The following EPS15 variants were observed in gnomAD, a reference collection of about 807,000 sequenced individuals.
EPS15 encodes epidermal growth factor receptor pathway substrate 15.
A neutral mutation model predicts 113.8 loss-of-function variants in EPS15; 72 were observed. The ratio of observed to expected loss-of-function variants is 0.63; its 90% CI spans 0.52 to 0.77. The LOEUF is 0.77. Among genes scored for constraint, EPS15 ranks in the 30% least tolerant of loss-of-function variants. EPS15 has a pLI of 0.00. For missense variants in EPS15, 1,048 were observed against 1,045.8 expected (o/e 1.00, Z -0.03); for synonymous variants, 344 against 363.4 (o/e 0.95, Z 0.61).
intron 2 of EPS15, among the ~76,000 whole-genome samples, chr1:51,480,730 T>A (rs1304851753): frequency 6.6e-6 from 1 of 152,186 alleles, no homozygotes; most frequent in Admixed American, 6.5e-5. Context: ...CAGCCTGGTC[T>A]TGAACTCCTG....
intron 13 of EPS15, among the ~76,000 whole-genome samples, chr1:51,421,025 G>A (rs1011496468): frequency 6.6e-6 from 1 of 152,010 alleles, no homozygotes; most frequent in Non-Finnish European, 1.5e-5. Flanking sequence ...TCTATGTGCC[G>A]GTGCAGCACT....
chr1:51,461,061 T>C, intron 8 of EPS15, 30 bp downstream of exon 8: 1 of 1,411,716 alleles, frequency 7.1e-7, no homozygotes, highest in Non-Finnish European at 1.0e-6. Context: ...ATTAAGATAA[T>C]GAAGATGTTA....
intron 8 of EPS15, among the ~76,000 whole-genome samples, chr1:51,451,639 C>G (rs1462949250): frequency 6.6e-6 from 1 of 151,298 alleles, no homozygotes; most frequent in Non-Finnish European, 1.5e-5. Flanking sequence ...CACTGTATAT[C>G]TTCTTATATT....
At chr1:51,369,099 T>C (rs1457231566) in intron 21 of EPS15, among the ~76,000 whole-genome samples, 1 of 152,226 alleles carries the variant, frequency 6.6e-6, no homozygotes, top group Non-Finnish European at 1.5e-5. Flanking sequence ...CAGATTTGAC[T>C]GGAATATTGT....
intron 23 of EPS15, 79 bp downstream of exon 23, chr1:51,363,787 T>C (rs763079346): frequency 1.0e-4 from 137 of 1,346,700 alleles, no homozygotes; most frequent in Non-Finnish European, 1.3e-4. Flanking sequence ...AAGCCATTTA[T>C]ATAAGTAAGT....
chr1:51,478,398 C>T (rs12126522), intron 2 of EPS15, among the ~76,000 whole-genome samples: 173 of 134,866 alleles, frequency 1.3e-3, no homozygotes, highest in Non-Finnish European at 1.7e-3. Flanking sequence ...ATGGGTCTTG[C>T]CTCTTTATCC....
At chr1:51,485,057 C>G (rs1260188886) in intron 1 of EPS15, among the ~76,000 whole-genome samples, 1 of 152,164 alleles carries the variant, frequency 6.6e-6, no homozygotes, top group Non-Finnish European at 1.5e-5. Flanking sequence ...AAAAACTAAG[C>G]TCTAAATTTT....
chr1:51,389,708 A>G (rs542274017), intron 21 of EPS15, among the ~76,000 whole-genome samples: 174 of 152,402 alleles, frequency 1.1e-3, no homozygotes, highest in African/African-American at 4.0e-3. Flanking sequence ...GTGAACTCTC[A>G]TTCACAATTG....
intron 11 of EPS15, among the ~76,000 whole-genome samples, chr1:51,440,801 T>G (rs534569437): frequency 6.6e-6 from 1 of 152,200 alleles, no homozygotes; most frequent in African/African-American, 2.4e-5. Context: ...GAGAAACTGA[T>G]GGTGATTTAT....
intron 21 of EPS15, among the ~76,000 whole-genome samples, chr1:51,388,802 A>G (rs1355850406): frequency 2.0e-5 from 3 of 152,002 alleles, no homozygotes; most frequent in African/African-American, 2.4e-5. Flanking sequence ...CCAATAACAG[A>G]CTCTGAAATT....
intron 1 of EPS15, among the ~76,000 whole-genome samples, chr1:51,496,533 T>C (rs1275837): frequency 0.032 from 4,887 of 152,276 alleles, 108 homozygotes; most frequent in Non-Finnish European, 0.048. Flanking sequence ...TATTCATCAT[T>C]TTCCCCTAGT....
intron 1 of EPS15, among the ~76,000 whole-genome samples, chr1:51,482,148 T>G (rs542246090): frequency 2.6e-4 from 39 of 152,202 alleles, no homozygotes; most frequent in African/African-American, 9.2e-4. Flanking sequence ...CAAGTCTGGT[T>G]AACAGACTGA....
intron 1 of EPS15, among the ~76,000 whole-genome samples, chr1:51,486,016 T>C (rs1282986053): frequency 2.0e-5 from 3 of 152,122 alleles, no homozygotes; most frequent in Admixed American, 1.3e-4. Context: ...CAGGTTGGTC[T>C]TGAACTACTG....
At chr1:51,449,482 T>G (rs537297386) in intron 8 of EPS15, among the ~76,000 whole-genome samples, 1 of 149,298 alleles carries the variant, frequency 6.7e-6, no homozygotes, top group African/African-American at 2.6e-5. Context: ...TATCATTTAT[T>G]AAATGAATGA....
At position 51,443,808 on chromosome 1, in the gene EPS15, G is replaced by T. The variant is rs181710276; in HGVS notation, c.954+1081C>A. Among the ~76,000 whole-genome samples the T allele has an allele frequency of 1.3e-3, 201 of 151,588 alleles. 1 individual carries two copies. The highest frequency in any genetic ancestry group is 2.3e-3 in the Non-Finnish European group (153 of 67,864). Reference sequence around the variant, plus strand: ...GCTAGAACTACAGGTACACGCCAACGCACCTGGCTAATTTTTTTGTTTTTG... The same window carrying T: ...GCTAGAACTACAGGTACACGCCAACTCACCTGGCTAATTTTTTTGTTTTTG... On this transcript the variant is annotated intron_variant, in intron 11 of 24. Coordinates refer to ENST00000371733, the MANE Select transcript of EPS15 (RefSeq NM_001981.3).
intron 21 of EPS15, among the ~76,000 whole-genome samples, chr1:51,370,675 C>G (rs1646626104): frequency 6.6e-6 from 1 of 151,362 alleles, no homozygotes; most frequent in African/African-American, 2.4e-5. Flanking sequence ...GGCTGGAGTG[C>G]AGTGGCATAA....
intron 18 of EPS15, chr1:51,401,210 C>A: frequency 3.1e-6 from 1 of 323,138 alleles, no homozygotes; most frequent in Non-Finnish European, 5.6e-6. Flanking sequence ...CTACTCTCCA[C>A]AAGAGTACTG....
intron 18 of EPS15, among the ~76,000 whole-genome samples, chr1:51,401,658 C>A (rs996883475): frequency 1.3e-5 from 2 of 152,180 alleles, no homozygotes; most frequent in African/African-American, 4.8e-5. Context: ...AAAGAAGATA[C>A]ACAAATGGCT....
At chr1:51,424,779 T>A (rs1307250645) in intron 12 of EPS15, among the ~76,000 whole-genome samples, 1 of 152,080 alleles carries the variant, frequency 6.6e-6, no homozygotes, top group Non-Finnish European at 1.5e-5. Flanking sequence ...CTCGCACACC[T>A]GTAGTCCCAG....
Sources: allele counts gnomAD v4.1 joint callset (sites outside exome capture counted in the v4.1 genomes callset), GRCh38; gene constraint gnomAD v4.1.1; transcripts MANE v1.5; gene names NCBI Gene and HGNC (gene_info 2026-07-23, HGNC 2026-07-21).